Variants in CSMD3 observed in about 807,000 individuals in gnomAD.
CSMD3 encodes the protein CUB and Sushi multiple domains 3, also known as CUB and sushi domain-containing protein 3.
Under a neutral mutation model 435.2 loss-of-function variants are expected in CSMD3, and 177 were observed. The ratio of observed to expected loss-of-function variants is 0.41; its 90% CI spans 0.36 to 0.46. The LOEUF (loss-of-function observed/expected upper bound fraction) is 0.46. Ranked by LOEUF, CSMD3 falls within the 20% of genes least tolerant of loss-of-function variation. The probability of loss-of-function intolerance (pLI) is 0.34; values close to 1 mark genes in which losing one functional copy is unlikely to be tolerated. For synonymous variants in CSMD3, 1,656 were observed against 1,520.5 expected (o/e 1.09, Z -2.07); for missense variants, 4,265 against 4,504.6 (o/e 0.95, Z 1.52).
At position 113,137,759 on chromosome 8, in the gene CSMD3, C is replaced by T. The variant is rs1232584129; in HGVS notation, c.709+35963G>A. On this transcript the variant is annotated intron_variant, in intron 4 of 70. Coordinates refer to ENST00000297405, the MANE Select transcript of CSMD3 (RefSeq NM_198123.2). Reference sequence around the variant, plus strand: ...AGCAGAACCATCATGACTCAATTACCTCTCAAAGACCACACCTCCCAATAT... The same window carrying T: ...AGCAGAACCATCATGACTCAATTACTTCTCAAAGACCACACCTCCCAATAT... Among the ~76,000 whole-genome samples the T allele has an allele frequency of 2.0e-5, 3 of 151,600 alleles. No homozygotes were observed. In the East Asian group the frequency reaches 5.8e-4, roughly 29 times the overall value.
At chr8:113,123,522 C>T (rs1425502444) in intron 4 of CSMD3, among the ~76,000 whole-genome samples, 2 of 152,026 alleles carry the variant, frequency 1.3e-5, no homozygotes, top group Non-Finnish European at 2.9e-5. Context: ...CACATGCATT[C>T]TTATTAGTAG....
intron 11 of CSMD3, among the ~76,000 whole-genome samples, chr8:112,854,157 A>G (rs755602645): frequency 3.9e-5 from 6 of 152,160 alleles, no homozygotes; most frequent in Non-Finnish European, 5.9e-5. Context: ...CAATTCCCCA[A>G]ATTAAATTCC....
intron 1 of CSMD3, among the ~76,000 whole-genome samples, chr8:113,321,809 G>C (rs1479574667): frequency 5.3e-5 from 8 of 152,038 alleles, no homozygotes; most frequent in African/African-American, 7.2e-5. Flanking sequence ...GTAAAGATTT[G>C]GGGTGAATGC....
At chr8:112,796,200 A>G (rs11787168) in intron 13 of CSMD3, among the ~76,000 whole-genome samples, 33,580 of 152,040 alleles carry the variant, frequency 0.22, 4,241 homozygotes, top group East Asian at 0.39. Flanking sequence ...GCATAATGGA[A>G]AAAAGAATGA....
chr8:113,291,617 A>C (rs2093686976), intron 2 of CSMD3, among the ~76,000 whole-genome samples: 2 of 151,818 alleles, frequency 1.3e-5, no homozygotes, highest in African/African-American at 4.8e-5. Flanking sequence ...CACTATGGAA[A>C]TAGACAAGAA....
intron 27 of CSMD3, among the ~76,000 whole-genome samples, chr8:112,528,343 C>T (rs139769920): frequency 6.6e-6 from 1 of 152,056 alleles, no homozygotes; most frequent in Non-Finnish European, 1.5e-5. Flanking sequence ...TAGTTATACA[C>T]TCTTAGGTCT....
rs139554725 is a variant in CSMD3 at position 112,341,626 on chromosome 8, C to T, written c.6503G>A (p.Arg2168Gln). 418 of 1,613,188 alleles carry T rather than the reference C, an allele frequency of 2.6e-4. No individual in the cohort carries two copies. The highest frequency in any genetic ancestry group is 1.7e-3 in the Admixed American group (102 of 59,968). The change falls in exon 42 of 71, where the codon CGA (arginine) becomes CAA (glutamine). Residue 2168 changes from arginine (R) to glutamine (Q), a missense_variant. Coordinates refer to ENST00000297405, the MANE Select transcript of CSMD3 (RefSeq NM_198123.2). ...TETIHDYLEVRSGSSETSTVI... is the reference protein window; with the variant it reads ...TETIHDYLEVQSGSSETSTVI... ...AGTACTAGTTTCTGAGGATCCACTT[C>T]GTACTTCCAAATAATCATGTATGGT...
chr8:112,229,040 C>G, intron 69 of CSMD3, 149 bp from the exon 70 acceptor site: 1 of 616,188 alleles, frequency 1.6e-6, no homozygotes, highest in South Asian at 2.1e-5. Context: ...TCCTTCAACT[C>G]ATTTCACATA....
intron 21 of CSMD3, among the ~76,000 whole-genome samples, chr8:112,637,436 G>A (rs1446983670): frequency 6.6e-6 from 1 of 151,980 alleles, no homozygotes; most frequent in Admixed American, 6.6e-5. Context: ...AATGATAAAG[G>A]CCCTTCTGCT....
intron 22 of CSMD3, among the ~76,000 whole-genome samples, chr8:112,624,103 C>T (rs544212214): frequency 2.0e-5 from 3 of 152,124 alleles, no homozygotes; most frequent in South Asian, 2.1e-4. Flanking sequence ...CATTATCACC[C>T]ATGCACAAAG....
chr8:112,695,472 G>C (rs1335591987), intron 13 of CSMD3, among the ~76,000 whole-genome samples: 3 of 152,048 alleles, frequency 2.0e-5, no homozygotes, highest in African/African-American at 7.2e-5. Context: ...GAGAACCAAA[G>C]ACAAAAATCA....
At chr8:112,606,972 G>GAAAAAAAAAAAAAAAAAAA (rs71309778) in intron 22 of CSMD3, among the ~76,000 whole-genome samples, 4 of 36,640 alleles carry the variant, frequency 1.1e-4, no homozygotes, top group East Asian at 8.2e-4. Flanking sequence ...CTCAAGCTAT[G>GAAAAAAAAAAAAAAAAAAA]AAAAAAAAAA....
intron 4 of CSMD3, among the ~76,000 whole-genome samples, chr8:113,109,064 A>T (rs1458085996): frequency 2.0e-5 from 3 of 152,250 alleles, no homozygotes; most frequent in Non-Finnish European, 2.9e-5. Flanking sequence ...ACAATGGAGA[A>T]TTAAAAACAA....
chr8:112,788,737 C>T (rs2078616008), intron 13 of CSMD3, among the ~76,000 whole-genome samples: 1 of 152,006 alleles, frequency 6.6e-6, no homozygotes, highest in Non-Finnish European at 1.5e-5. Flanking sequence ...ATTCTACTAC[C>T]ACTCATTCTA....
chr8:112,227,601 G>T (rs1162818678), intron 70 of CSMD3, among the ~76,000 whole-genome samples: 1 of 152,034 alleles, frequency 6.6e-6, no homozygotes, highest in African/African-American at 2.4e-5. Context: ...AGTTGACTTA[G>T]GTTGTCCTAT....
At chr8:113,152,848 G>A (rs925834768) in intron 4 of CSMD3, among the ~76,000 whole-genome samples, 4 of 151,642 alleles carry the variant, frequency 2.6e-5, no homozygotes, top group African/African-American at 4.8e-5. Context: ...GCATATGCCT[G>A]TAGTTCCAGC....
At chr8:112,426,311 C>T (rs1314087838) in intron 32 of CSMD3, among the ~76,000 whole-genome samples, 1 of 151,666 alleles carries the variant, frequency 6.6e-6, no homozygotes, top group Non-Finnish European at 1.5e-5. Flanking sequence ...TGATTGTGAA[C>T]CTTCTATATT....
intron 6 of CSMD3, among the ~76,000 whole-genome samples, chr8:112,994,503 T>A (rs1485350049): frequency 6.6e-6 from 1 of 151,704 alleles, no homozygotes; most frequent in African/African-American, 2.4e-5. Context: ...AAATTAGATA[T>A]GTAAGTTCCC....
intron 10 of CSMD3, among the ~76,000 whole-genome samples, chr8:112,877,662 A>G (rs958399519): frequency 6.6e-6 from 1 of 152,168 alleles, no homozygotes; most frequent in South Asian, 2.1e-4. Context: ...CCTGACTTCA[A>G]ACTATAACTA....
Sources: gnomAD v4.1 joint callset for allele counts (sites outside exome capture counted in the v4.1 genomes callset) on GRCh38, gnomAD v4.1.1 for gene constraint, MANE v1.5 for transcripts, NCBI Gene and HGNC (gene_info 2026-07-23, HGNC 2026-07-21) for gene names.